Variants in MAGI2 observed in about 807,000 individuals in gnomAD.
MAGI2 encodes membrane associated guanylate kinase, WW and PDZ domain containing 2, also known as membrane-associated guanylate kinase, WW and PDZ domain-containing protein 2.
Under a neutral mutation model 133.3 loss-of-function variants are expected in MAGI2, and 35 were observed. That is an observed-to-expected ratio of 0.26 (90% CI 0.20 to 0.35). The LOEUF (loss-of-function observed/expected upper bound fraction) is 0.35, where lower values mean the gene tolerates loss of function less well. MAGI2 is among the 10% of genes least tolerant of loss of function. The pLI is 1.00. For missense variants in MAGI2, 1,636 were observed against 1,863.4 expected (o/e 0.88, Z 2.25); for synonymous variants, 729 against 710.6 (o/e 1.03, Z -0.41).
intron 1 of MAGI2, among the ~76,000 whole-genome samples, chr7:79,298,750 G>A (rs1837143771): frequency 6.6e-6 from 1 of 152,082 alleles, no homozygotes; most frequent in African/African-American, 2.4e-5. Flanking sequence ...AGGTAATCAA[G>A]TTAGAGTGAG....
At chr7:78,525,924 T>G (rs1417815588) in intron 3 of MAGI2, among the ~76,000 whole-genome samples, 1 of 152,166 alleles carries the variant, frequency 6.6e-6, no homozygotes, top group Admixed American at 6.5e-5. Context: ...CACAGTGCTG[T>G]TATATAGATT....
intron 1 of MAGI2, among the ~76,000 whole-genome samples, chr7:79,331,546 G>C (rs1018460028): frequency 6.6e-6 from 1 of 151,928 alleles, no homozygotes; most frequent in Non-Finnish European, 1.5e-5. Flanking sequence ...GCATATTAAG[G>C]GTCTATTTAC....
intron 1 of MAGI2, among the ~76,000 whole-genome samples, chr7:79,316,508 T>C (rs980511330): frequency 6.6e-6 from 1 of 152,172 alleles, no homozygotes; most frequent in African/African-American, 2.4e-5. Context: ...CGCACATACA[T>C]ATGCATTTCT....
intron 3 of MAGI2, among the ~76,000 whole-genome samples, chr7:78,591,242 T>C (rs1474371261): frequency 6.6e-6 from 1 of 152,210 alleles, no homozygotes; most frequent in Non-Finnish European, 1.5e-5. Flanking sequence ...AGAAGTCATA[T>C]TGACTATATC....
chr7:79,200,124 C>T (rs1196495602), intron 1 of MAGI2, among the ~76,000 whole-genome samples: 2 of 151,794 alleles, frequency 1.3e-5, no homozygotes, highest in African/African-American at 4.8e-5. Flanking sequence ...CAGGAAAATT[C>T]CTGGTCTAGA....
intron 10 of MAGI2, among the ~76,000 whole-genome samples, chr7:78,244,862 C>T (rs1281557858): frequency 1.3e-5 from 2 of 152,060 alleles, no homozygotes; most frequent in Admixed American, 6.5e-5. Flanking sequence ...ATTTATTACC[C>T]ATTTTTGATG....
At chr7:78,312,967 TAC>T (rs750846388) in intron 9 of MAGI2, among the ~76,000 whole-genome samples, 17 of 149,552 alleles carry the variant, frequency 1.1e-4, no homozygotes, top group South Asian at 2.1e-4. Context: ...TATATGTATA[TAC>T]ACACACACAC....
chr7:79,174,530 C>T lies in MAGI2; in HGVS notation c.302-167324G>A, dbSNP rs561222628. Among the ~76,000 whole-genome samples, 309 of 151,834 alleles carry T rather than the reference C, an allele frequency of 2.0e-3. 3 individuals are homozygous for T. The highest frequency in any genetic ancestry group is 7.1e-3 in the African/African-American group (295 of 41,448). On this transcript the variant is annotated intron_variant, in intron 1 of 21. Coordinates refer to ENST00000354212, the MANE Select transcript of MAGI2 (RefSeq NM_012301.4). Reference sequence around the variant, plus strand: ...TTAATGTATTAAAGAAACGTATACCCTTCATGTGTAAAGAGAACTTGGCAA... The same window carrying T: ...TTAATGTATTAAAGAAACGTATACCTTTCATGTGTAAAGAGAACTTGGCAA...
At chr7:78,658,654 C>T (rs891326185) in intron 2 of MAGI2, among the ~76,000 whole-genome samples, 4 of 152,114 alleles carry the variant, frequency 2.6e-5, no homozygotes, top group Admixed American at 6.6e-5. Flanking sequence ...CCTGGTCAAA[C>T]GGGCAAATGA....
intron 1 of MAGI2, among the ~76,000 whole-genome samples, chr7:79,396,784 A>G (rs1346738552): frequency 6.6e-6 from 1 of 152,164 alleles, no homozygotes; most frequent in Non-Finnish European, 1.5e-5. Context: ...ATTACTTTTA[A>G]AAGACTTATT....
chr7:78,723,999 A>G (rs746182581), intron 2 of MAGI2, among the ~76,000 whole-genome samples: 9 of 152,174 alleles, frequency 5.9e-5, no homozygotes, highest in Non-Finnish European at 1.2e-4. Flanking sequence ...TTACCAAAAT[A>G]GCAGGGGTGT....
intron 6 of MAGI2, among the ~76,000 whole-genome samples, chr7:78,413,141 G>A (rs1009537927): frequency 9.2e-5 from 14 of 152,060 alleles, no homozygotes; most frequent in Admixed American, 3.3e-4. Context: ...TCCCTCACCC[G>A]TAAAATGAGA....
At chr7:78,403,155 C>T (rs1187115325) in intron 6 of MAGI2, among the ~76,000 whole-genome samples, 1 of 152,118 alleles carries the variant, frequency 6.6e-6, no homozygotes, top group Non-Finnish European at 1.5e-5. Flanking sequence ...CCTCCCTCCC[C>T]CCATCCCATG....
chr7:78,531,062 G>T (rs1424415936), intron 3 of MAGI2, among the ~76,000 whole-genome samples: 2 of 152,052 alleles, frequency 1.3e-5, no homozygotes, highest in Non-Finnish European at 2.9e-5. Flanking sequence ...CTCCCTCAGG[G>T]AACTCAAGCA....
At chr7:78,377,783 T>C (rs1030918020) in intron 6 of MAGI2, among the ~76,000 whole-genome samples, 1 of 150,586 alleles carries the variant, frequency 6.6e-6, no homozygotes, top group South Asian at 2.1e-4. Flanking sequence ...TTTGCTTACA[T>C]GAAACTGTTA....
intron 2 of MAGI2, among the ~76,000 whole-genome samples, chr7:78,637,553 T>G (rs1809809813): frequency 6.6e-6 from 1 of 151,824 alleles, no homozygotes; most frequent in South Asian, 2.1e-4. Context: ...ATAATAGCAT[T>G]GCATTATTTT....
chr7:78,275,118 T>C (rs1794936736), intron 9 of MAGI2, among the ~76,000 whole-genome samples: 1 of 152,194 alleles, frequency 6.6e-6, no homozygotes, highest in South Asian at 2.1e-4. Flanking sequence ...GCTGTGAAGA[T>C]GGTGGGAAAA....
intron 3 of MAGI2, among the ~76,000 whole-genome samples, chr7:78,610,013 G>C (rs1263980714): frequency 1.3e-5 from 2 of 152,066 alleles, no homozygotes; most frequent in African/African-American, 4.8e-5. Flanking sequence ...TGTAATGTGG[G>C]AACTGGAAGC....
chr7:78,072,892 A>T, intron 21 of MAGI2: 1 of 398,618 alleles, frequency 2.5e-6, no homozygotes, highest in Non-Finnish European at 4.4e-6. Flanking sequence ...TCCTAGGCTC[A>T]AGCAGTCCTC....
Sources: allele counts gnomAD v4.1 joint callset (sites outside exome capture counted in the v4.1 genomes callset), GRCh38; gene constraint gnomAD v4.1.1; transcripts MANE v1.5; gene names NCBI Gene and HGNC (gene_info 2026-07-23, HGNC 2026-07-21).